Variants in RNLS observed in about 807,000 individuals in gnomAD.
RNLS encodes the protein renalase, FAD dependent amine oxidase.
RNLS carries 39 observed loss-of-function variants against 39.8 expected under a neutral mutation model. That is an observed-to-expected ratio of 0.98 (90% CI 0.76 to 1.28). The LOEUF (loss-of-function observed/expected upper bound fraction) is 1.28, where lower values mean the gene tolerates loss of function less well. RNLS is among the 50% of genes most tolerant of loss of function. The probability of loss-of-function intolerance (pLI) is 0.00; values close to 1 mark genes in which losing one functional copy is unlikely to be tolerated. For missense variants in RNLS, 410 were observed against 413.3 expected, an observed-to-expected ratio of 0.99 and a Z score of 0.07; for synonymous variants, 147 against 150.7, an observed-to-expected ratio of 0.98 and a Z score of 0.18.
At chr10:88,479,391 T>C (rs898936546) in intron 4 of RNLS, among the ~76,000 whole-genome samples, 36 of 152,352 alleles carry the variant, frequency 2.4e-4, no homozygotes, top group Middle Eastern at 3.4e-3. Flanking sequence ...CACATTTTAA[T>C]AGCACTGTTT....
At chr10:88,497,025 A>T (rs1354983608) in intron 4 of RNLS, among the ~76,000 whole-genome samples, 1 of 152,094 alleles carries the variant, frequency 6.6e-6, no homozygotes, top group Non-Finnish European at 1.5e-5. Flanking sequence ...AAAGAGAAAA[A>T]TGAACACATT....
chr10:88,251,035 G>A, the RNLS span, among the ~76,000 whole-genome samples: 14 of 152,080 alleles, frequency 9.2e-5, no homozygotes, highest in Non-Finnish European at 1.9e-4. Context: ...TATCTTTTGG[G>A]ATCAAAATAT....
At position 88,469,632 on chromosome 10, in the gene RNLS, C is replaced by T. The variant is rs11202755; in HGVS notation, c.526+103271G>A. Among the ~76,000 whole-genome samples the T allele has an allele frequency of 6.1e-3, 934 of 152,200 alleles. 8 individuals are homozygous for T. Among genetic ancestry groups the T allele is most frequent in the African/African-American group, 0.02 (832 of 41,522 alleles). On this transcript the variant is annotated intron_variant, in intron 4 of 6. Coordinates refer to ENST00000331772, the MANE Select transcript of RNLS (RefSeq NM_001031709.3). Reference sequence around the variant, plus strand: ...TATTAGCACTAGCATAAGGAGAGGACGCAGTATACAGTGTCTGTCAAATTT... The same window carrying T: ...TATTAGCACTAGCATAAGGAGAGGATGCAGTATACAGTGTCTGTCAAATTT...
At chr10:88,346,106 T>C (rs555188361) in intron 5 of RNLS, among the ~76,000 whole-genome samples, 1 of 151,794 alleles carries the variant, frequency 6.6e-6, no homozygotes, top group Admixed American at 6.6e-5. Flanking sequence ...AAAAGAGAGA[T>C]AATTGCTAAA....
At chr10:88,391,076 A>C (rs537723302) in intron 4 of RNLS, among the ~76,000 whole-genome samples, 8 of 152,334 alleles carry the variant, frequency 5.3e-5, no homozygotes, top group African/African-American at 1.7e-4. Context: ...CATGGCACAT[A>C]TGACATTTGA....
chr10:88,446,263 C>A (rs28794023), intron 4 of RNLS, among the ~76,000 whole-genome samples: 26,762 of 151,962 alleles, frequency 0.18, 2,578 homozygotes, highest in Middle Eastern at 0.29. Context: ...TCTTTGAAAC[C>A]AACGAGAACA....
downstream of RNLS, among the ~76,000 whole-genome samples, chr10:88,272,845 C>T (rs1441990137): frequency 6.6e-6 from 1 of 152,172 alleles, no homozygotes; most frequent in African/African-American, 2.4e-5. Context: ...AGTCTCTAAT[C>T]TAGGGATTCT....
At chr10:88,487,208 G>T (rs1371464173) in intron 4 of RNLS, among the ~76,000 whole-genome samples, 1 of 152,196 alleles carries the variant, frequency 6.6e-6, no homozygotes, top group African/African-American at 2.4e-5. Context: ...GTTGAGAGTA[G>T]AAGGTGGGAG....
intron 6 of RNLS, among the ~76,000 whole-genome samples, chr10:88,293,757 C>CT (rs2132901507): frequency 6.6e-6 from 1 of 152,232 alleles, no homozygotes; most frequent in East Asian, 1.9e-4. Context: ...AGCAGAGTCT[C>CT]TGTCAGTCTG....
the RNLS span, among the ~76,000 whole-genome samples, chr10:88,247,643 T>C: frequency 6.6e-6 from 1 of 152,240 alleles, no homozygotes; most frequent in Admixed American, 6.5e-5. Flanking sequence ...GATAGACTAA[T>C]AGCCTCCCAA....
At chr10:88,272,234 T>C (rs564656971), downstream of RNLS, among the ~76,000 whole-genome samples, 5 of 152,346 alleles carry the variant, frequency 3.3e-5, no homozygotes, top group African/African-American at 4.8e-5. Flanking sequence ...CCAGTTTACA[T>C]TGTGGCCCAG....
At chr10:88,239,794 T>C in the RNLS span, among the ~76,000 whole-genome samples, 2,312 of 152,330 alleles carry the variant, frequency 0.015, 63 homozygotes, top group African/African-American at 0.053. Context: ...TACAGCATAA[T>C]GGCTGGGACT....
the RNLS span, among the ~76,000 whole-genome samples, chr10:88,266,314 T>C: frequency 2.0e-5 from 3 of 152,076 alleles, no homozygotes; most frequent in African/African-American, 4.8e-5. Context: ...GAAAGAAACA[T>C]AGGGCAGTGG....
chr10:88,333,759 G>A (rs755479974), intron 5 of RNLS, among the ~76,000 whole-genome samples: 1 of 152,174 alleles, frequency 6.6e-6, no homozygotes, highest in Non-Finnish European at 1.5e-5. Flanking sequence ...ATTTAGAGGT[G>A]GGGCCGTTAG....
intron 4 of RNLS, among the ~76,000 whole-genome samples, chr10:88,435,608 T>A (rs1382283646): frequency 6.6e-6 from 1 of 152,160 alleles, no homozygotes; most frequent in Admixed American, 6.6e-5. Context: ...CATTAATGCA[T>A]CTGGAATTAG....
chr10:88,322,821 A>G (rs1248731672), intron 5 of RNLS, among the ~76,000 whole-genome samples: 1 of 152,166 alleles, frequency 6.6e-6, no homozygotes. Context: ...AGTAATACAA[A>G]TAGGAAAAGA....
intron 5 of RNLS, among the ~76,000 whole-genome samples, chr10:88,348,043 T>C (rs1266916055): frequency 6.6e-6 from 1 of 152,186 alleles, no homozygotes; most frequent in Non-Finnish European, 1.5e-5. Context: ...CCTTTGTTAG[T>C]GGGGAGGTCT....
the RNLS span, among the ~76,000 whole-genome samples, chr10:88,181,337 A>G: frequency 6.6e-6 from 1 of 151,936 alleles, no homozygotes; most frequent in African/African-American, 2.4e-5. Context: ...CTTCCCTACA[A>G]CCTCCGCTAT....
At chr10:88,542,709 C>A (rs1041850808) in intron 4 of RNLS, among the ~76,000 whole-genome samples, 1 of 152,164 alleles carries the variant, frequency 6.6e-6, no homozygotes, top group Admixed American at 6.6e-5. Flanking sequence ...GGCTGCCGAA[C>A]TGCCAGGGCT....
Sources: gnomAD v4.1 joint callset for allele counts (sites outside exome capture counted in the v4.1 genomes callset) on GRCh38, gnomAD v4.1.1 for gene constraint, MANE v1.5 for transcripts, NCBI Gene and HGNC (gene_info 2026-07-23, HGNC 2026-07-21) for gene names.